Variants in MAN1B1 observed in about 807,000 individuals in gnomAD.
MAN1B1 encodes mannosidase alpha class 1B member 1.
A neutral mutation model predicts 75.5 loss-of-function variants in MAN1B1; 66 were observed. That is an observed-to-expected ratio of 0.87 (90% CI 0.72 to 1.07). MAN1B1 has a LOEUF of 1.07. Ranked by LOEUF, MAN1B1 falls within the 50% of genes least tolerant of loss-of-function variation. The probability of loss-of-function intolerance (pLI) is 0.00; values close to 1 mark genes in which losing one functional copy is unlikely to be tolerated. For synonymous variants in MAN1B1, 453 were observed against 382.8 expected, an observed-to-expected ratio of 1.18 and a Z score of -2.14; for missense variants, 973 against 912.5, an observed-to-expected ratio of 1.07 and a Z score of -0.85.
intron 8 of MAN1B1, chr9:137,102,107 G>A (rs1408365850): frequency 2.2e-6 from 1 of 454,990 alleles, no homozygotes; most frequent in South Asian, 1.6e-5. Context: ...AGGCGTGCAG[G>A]TCGGTGGTGT....
At position 137,109,079 on chromosome 9, in the gene MAN1B1, C is replaced by CT. The variant is rs886063733; in HGVS notation, c.*488_*489insT. The stretch of plus-strand genomic sequence containing the variant: ...AGCTGGACTCAGGGATCCTCCTGGC[C>CT]GCCCCGCAGGGGGCTTGGAGGGCTG... On this transcript the variant is annotated 3_prime_UTR_variant, in exon 13 of 13. Transcript: ENST00000371589. 1.3e-5 allele frequency: 6 copies of CT among 455,864 alleles called. No homozygotes were observed. Among genetic ancestry groups the CT allele is most frequent in the South Asian group, 7.8e-5 (5 of 64,496 alleles). The allele number at this position is 455,864 out of a possible 1,614,324, so 28.2% of individuals were successfully genotyped here.
chr9:137,089,630 G>A (rs1400620576), intron 3 of MAN1B1, among the ~76,000 whole-genome samples: 2 of 152,196 alleles, frequency 1.3e-5, no homozygotes, highest in Non-Finnish European at 2.9e-5. Flanking sequence ...TGATGTATGC[G>A]GGAAGATTTT....
chr9:137,091,968 G>A (rs1003131116), intron 3 of MAN1B1, among the ~76,000 whole-genome samples: 2 of 152,220 alleles, frequency 1.3e-5, no homozygotes, highest in African/African-American at 2.4e-5. Context: ...GATTTCAAAT[G>A]TTATAGGGGC....
chr9:137,103,262 C>T, intron 8 of MAN1B1: 1 of 424,744 alleles, frequency 2.4e-6, no homozygotes, highest in Non-Finnish European at 4.6e-6. Flanking sequence ...GTCGGTGTTA[C>T]ACACATGCTG....
At position 137,096,288 on chromosome 9, in the gene MAN1B1, C is replaced by T; in HGVS notation, c.517C>T (p.Pro173Ser). Residue 173 changes from proline (P) to serine (S), a missense_variant, in exon 4 of 13, where the codon CCA (proline) becomes TCA (serine). Transcript: ENST00000371589. ...RGPPHLQIRP[P>S]SQDLKDGTQE... ...ACCACCTCACCTGCAGATTAGACCC[C>T]CAAGCCAAGACCTGAAGGATGGGAC... 1 of 1,614,104 alleles carries T rather than the reference C, an allele frequency of 6.2e-7. No individual in the cohort carries two copies.
chr9:137,106,396 C>T (rs556525359), intron 9 of MAN1B1, 81 bp downstream of exon 9: 84 of 1,302,160 alleles, frequency 6.5e-5, no homozygotes, highest in Non-Finnish European at 7.6e-5. Context: ...CCAGCTCCCA[C>T]GGCCCCCGCT....
chr9:137,096,254 C>T lies in MAN1B1; in HGVS notation c.483C>T (p.Ile161=). 1.9e-6 allele frequency: 3 copies of T among 1,614,144 alleles called. No individual in the cohort carries two copies. The highest frequency in any genetic ancestry group is 2.5e-6 in the Non-Finnish European group (3 of 1,180,044). The part of the protein sequence containing the change: ...EISSQKTQRH[I]QRGPPHLQIR... ...CTCTACAGAAGACACAAAGACACAT[C>T]CAGCGGGGACCACCTCACCTGCAGA... Residue 161 remains isoleucine (I), a synonymous_variant, in exon 4 of 13, where the codon ATC becomes ATT. Coordinates refer to ENST00000371589, the MANE Select transcript of MAN1B1 (RefSeq NM_016219.5).
At chr9:137,103,998 G>A (rs985463651) in intron 8 of MAN1B1, 29 of 454,796 alleles carry the variant, frequency 6.4e-5, no homozygotes, top group Non-Finnish European at 1.2e-4. Context: ...CAGGTCGGTG[G>A]TGTTACATTC....
chr9:137,094,065 A>C (rs1830591575), intron 3 of MAN1B1, among the ~76,000 whole-genome samples: 1 of 147,730 alleles, frequency 6.8e-6, no homozygotes, highest in Non-Finnish European at 1.5e-5. Flanking sequence ...CCCAGGCTGG[A>C]GTGCAGTGGC....
chr9:137,096,970 C>T (rs1830668356), intron 4 of MAN1B1, among the ~76,000 whole-genome samples: 1 of 152,206 alleles, frequency 6.6e-6, no homozygotes, highest in South Asian at 2.1e-4. Context: ...AGAGCCAGGG[C>T]CAGTGAGGGC....
At position 137,104,140 on chromosome 9, in the gene MAN1B1, C is replaced by T. The variant is rs1335741279; in HGVS notation, c.1255-1985C>T. 11 of 445,904 alleles carry T rather than the reference C, an allele frequency of 2.5e-5. No homozygotes were observed. The East Asian group carries it at 7.7e-4, about 31-fold the overall frequency. 27.6% of individuals were successfully genotyped at this position (445,904 alleles called of 1,614,324 possible). A position where few individuals can be genotyped will look rare whatever the true frequency, so the allele number is the denominator to read the frequency against. ...CATCACACAGTGACCCTTCATGTCC[C>T]TCCCCAGTCCCTGAAAAACACTGTT... On this transcript the variant is annotated intron_variant, in intron 8 of 12. Transcript: ENST00000371589.
rs762583082 is a variant in MAN1B1 at position 137,108,516 on chromosome 9, C to G, written c.2025C>G (p.Asp675Glu). The change falls in exon 13 of 13, where the codon GAC (aspartate) becomes GAG (glutamate). Residue 675 changes from aspartate to glutamate, a missense_variant. Coordinates refer to ENST00000371589, the MANE Select transcript of MAN1B1 (RefSeq NM_016219.5). ...LKYLFLLFSD[D>E]PNLLSLDAYV... ...ATCTGTTCTTGCTCTTCTCCGATGA[C>G]CCAAACCTGCTCAGCCTGGATGCCT... 6.2e-7 allele frequency: 1 copy of G among 1,614,024 alleles called. No individual in the cohort carries two copies. Among genetic ancestry groups the G allele is most frequent in the Non-Finnish European group, 8.5e-7 (1 of 1,180,026 alleles).
rs200957986 is a variant in MAN1B1 at position 137,101,169 on chromosome 9, T to A, written c.1065+16T>A. The A allele has an allele frequency of 4.7e-3, 7,632 of 1,613,260 alleles. 21 individuals carry two copies. The highest frequency in any genetic ancestry group is 6.1e-3 in the Non-Finnish European group (7,239 of 1,179,938). On this transcript the variant is annotated intron_variant, in intron 7 of 12. Transcript: ENST00000371589. ...GAGGAAAGCTGTAAGTGTCTTGGGG[T>A]GTCCTGCAGGGAGATGGTGGACTCG...
rs374413288 is a variant in MAN1B1, at chr9:137,106,334, C to A, written c.1445+19C>A. The A allele has an allele frequency of 1.8e-5, 28 of 1,541,664 alleles. No individual in the cohort carries two copies. The highest frequency in any genetic ancestry group is 2.5e-5 in the Non-Finnish European group (28 of 1,142,346). On this transcript the variant is annotated intron_variant, in intron 9 of 12. Coordinates refer to ENST00000371589, the MANE Select transcript of MAN1B1 (RefSeq NM_016219.5). ...AGACACAGTGAGGCCCGGCCCGCTG[C>A]CCCCAGCTCCCGCGGCTCCCCCGTT...
chr9:137,088,778 G>A (rs1247802841), intron 2 of MAN1B1, 91 bp from the exon 3 acceptor site: 1 of 1,343,190 alleles, frequency 7.4e-7, no homozygotes, highest in Non-Finnish European at 1.1e-6. Flanking sequence ...GATTTGTAAT[G>A]GATAGTGCCT....
In MAN1B1 at chr9:137,087,147, A is replaced by T; in HGVS notation, c.148A>T (p.Ile50Phe). 1 of 1,593,976 alleles carries T rather than the reference A, an allele frequency of 6.3e-7. No individual in the cohort carries two copies. ...PPPPPPHRDF[I>F]SVTLSFGENY... The stretch of plus-strand genomic sequence containing the variant: ...GCCGCCGCCGCCTCATCGGGACTTC[A>T]TCTCGGTGACGCTGAGCTTTGGCGA... The change falls in exon 1 of 13, where the codon ATC becomes TTC. Residue 50 changes from isoleucine to phenylalanine, a missense_variant. By Grantham distance (21) the Ile-to-Phe change is conservative. Coordinates refer to ENST00000371589, the MANE Select transcript of MAN1B1 (RefSeq NM_016219.5).
rs964752016 is a variant in MAN1B1 at position 137,091,521 on chromosome 9, A to ATTT, written c.465+2537_465+2539dup. Among the ~76,000 whole-genome samples, 658 of 89,824 alleles carry ATTT rather than the reference A, an allele frequency of 7.3e-3. 5 individuals carry two copies. The highest frequency in any genetic ancestry group is 0.017 in the Middle Eastern group (2 of 116). 58.9% of individuals were successfully genotyped at this position (89,824 alleles called of 152,430 possible). ...TTGAGTTCAAATTTTTTTGTTTTATATTTTTTTTTTTTTTTTTTTTTTTGA... is the reference window on the plus strand; with the variant it reads ...TTGAGTTCAAATTTTTTTGTTTTATATTTTTTTTTTTTTTTTTTTTTTTTTTGA... On this transcript the variant is annotated intron_variant, in intron 3 of 12. Transcript: ENST00000371589.
intron 10 of MAN1B1, 62 bp downstream of exon 10, chr9:137,106,871 G>C: frequency 3.9e-6 from 6 of 1,551,226 alleles, no homozygotes; most frequent in Non-Finnish European, 5.2e-6. Flanking sequence ...CAAGGTGCCT[G>C]AGTCATGATG....
rs1468287222 is a variant in MAN1B1, at chr9:137,087,202, G to A, written c.203G>A (p.Arg68Gln). The A allele has an allele frequency of 6.3e-7, 1 of 1,582,148 alleles. No homozygotes were observed. Among genetic ancestry groups the A allele is most frequent in the East Asian group, 2.3e-5 (1 of 43,824 alleles). The stretch of plus-strand genomic sequence containing the variant: ...TATGACAACAGCAAGAGTTGGCGGC[G>A]GCGCTCGTGCTGGAGGGTGAGGGTC... Reference protein sequence around the residue: ...ENYDNSKSWRRRSCWRKWKQL... With the variant: ...ENYDNSKSWRQRSCWRKWKQL... The change falls in exon 1 of 13, where the codon CGG becomes CAG. Residue 68 changes from arginine (R) to glutamine (Q), a missense_variant. By Grantham distance (43) the Arg-to-Gln change is conservative (BLOSUM62 1). Transcript: ENST00000371589.
Sources: allele counts gnomAD v4.1 joint callset (sites outside exome capture counted in the v4.1 genomes callset), GRCh38; gene constraint gnomAD v4.1.1; transcripts MANE v1.5; gene names NCBI Gene and HGNC (gene_info 2026-07-23, HGNC 2026-07-21).